The following C10orf88 variants were observed in gnomAD, a reference collection of about 807,000 sequenced individuals.
C10orf88 encodes the protein chromosome 10 open reading frame 88, also known as ATPase PAAT.
In C10orf88, 29 loss-of-function variants were observed where a neutral mutation model predicts 34.2. The ratio of observed to expected loss-of-function variants is 0.85; its 90% CI spans 0.63 to 1.16. The LOEUF (loss-of-function observed/expected upper bound fraction) is 1.16, where lower values mean the gene tolerates loss of function less well. C10orf88 is among the 50% of genes most tolerant of loss of function. The pLI is 0.00. For synonymous variants in C10orf88, 194 were observed against 197.4 expected, an observed-to-expected ratio of 0.98 and a Z score of 0.15; for missense variants, 507 against 533.2, an observed-to-expected ratio of 0.95 and a Z score of 0.48.
chr10:122,951,100 C>T (rs544519437), intron 3 of C10orf88, among the ~76,000 whole-genome samples: 20 of 152,266 alleles, frequency 1.3e-4, no homozygotes, highest in Admixed American at 1.3e-4. Flanking sequence ...TTAAGACTTC[C>T]AATCCATTAC....
intron 5 of C10orf88, among the ~76,000 whole-genome samples, chr10:122,933,038 T>C (rs1848499031): frequency 6.6e-6 from 1 of 152,218 alleles, no homozygotes; most frequent in Non-Finnish European, 1.5e-5. Context: ...AAAGTTTTTC[T>C]TCCTTCATAC....
intron 5 of C10orf88, among the ~76,000 whole-genome samples, chr10:122,936,929 G>GA (rs1365310188): frequency 6.6e-6 from 1 of 151,814 alleles, no homozygotes; most frequent in African/African-American, 2.4e-5. Flanking sequence ...ATAGATGCTT[G>GA]AAAAAAGTGT....
At chr10:122,942,468 T>G (rs967754388) in intron 4 of C10orf88, among the ~76,000 whole-genome samples, 4 of 152,154 alleles carry the variant, frequency 2.6e-5, no homozygotes, top group Non-Finnish European at 4.4e-5. Flanking sequence ...TGGCACAAGA[T>G]AGGGATGCCC....
At chr10:122,943,144 C>G (rs1268878217) in intron 4 of C10orf88, among the ~76,000 whole-genome samples, 2 of 149,422 alleles carry the variant, frequency 1.3e-5, no homozygotes, top group African/African-American at 5.0e-5. Flanking sequence ...CTACAGTAAC[C>G]AAAACAGCAT....
rs563480015 is a variant in C10orf88 at position 122,932,308 on chromosome 10, G to T, written c.*119C>A. ...TAAAAACGAAAACTGAGGTCACTTT[G>T]TGTAAGACAATGATCCCTCAAAGGA... On this transcript the variant is annotated 3_prime_UTR_variant, in exon 6 of 6. Coordinates refer to ENST00000481909, the MANE Select transcript of C10orf88 (RefSeq NM_024942.4). 2.3e-5 allele frequency: 19 copies of T among 833,400 alleles called. No individual in the cohort carries two copies. In the South Asian group the frequency reaches 3.7e-4, roughly 16 times the overall value. The allele number at this position is 833,400 out of a possible 1,614,324, so 51.6% of individuals were successfully genotyped here.
intron 4 of C10orf88, among the ~76,000 whole-genome samples, chr10:122,947,568 C>T (rs949359678): frequency 6.6e-6 from 1 of 152,154 alleles, no homozygotes; most frequent in Non-Finnish European, 1.5e-5. Flanking sequence ...CCCTTCACCA[C>T]CCTCCGTCAG....
At chr10:122,935,053 T>G (rs914495868) in intron 5 of C10orf88, among the ~76,000 whole-genome samples, 1 of 152,110 alleles carries the variant, frequency 6.6e-6, no homozygotes, top group Non-Finnish European at 1.5e-5. Flanking sequence ...GAGTTCTTTA[T>G]GTACTTCAGA....
rs1848552294 is a variant in C10orf88 at position 122,938,150 on chromosome 10, G to C, written c.658C>G (p.Pro220Ala). ...ACCGACTGAAGCTGCTCTCCAATGG[G>C]AATACAATTCTAAACAAGGTAAACA... ...MVRCQQRNCI[P>A]IGEQLQSVLG... The change falls in exon 5 of 6, where the codon CCC becomes GCC. Residue 220 changes from proline (P) to alanine (A), a missense_variant. Coordinates refer to ENST00000481909, the MANE Select transcript of C10orf88 (RefSeq NM_024942.4). 1.3e-6 allele frequency: 2 copies of C among 1,591,640 alleles called. No homozygotes were observed. The highest frequency in any genetic ancestry group is 1.3e-5 in the African/African-American group (1 of 74,152).
At position 122,931,534 on chromosome 10, in the gene C10orf88, A is replaced by C. The variant is rs540920044; in HGVS notation, c.*893T>G. On this transcript the variant is annotated 3_prime_UTR_variant, in exon 6 of 6. Coordinates refer to ENST00000481909, the MANE Select transcript of C10orf88 (RefSeq NM_024942.4). ...TCCCAGAGCAGGTGCATTTATTTTTATATGCAAATATATCACCCTTCAATG... is the reference window on the plus strand; with the variant it reads ...TCCCAGAGCAGGTGCATTTATTTTTCTATGCAAATATATCACCCTTCAATG... 1.3e-5 allele frequency: 2 copies of C among 152,346 alleles called. No homozygotes were observed. Among genetic ancestry groups the C allele is most frequent in the East Asian group, 3.9e-4 (2 of 5,194 alleles). The allele number at this position is 152,346 out of a possible 1,614,324, so 9.4% of individuals were successfully genotyped here. A position where few individuals can be genotyped will look rare whatever the true frequency, so the allele number is the denominator to read the frequency against.
At chr10:122,933,078 C>CT (rs572588218) in intron 5 of C10orf88, among the ~76,000 whole-genome samples, 143 of 152,092 alleles carry the variant, frequency 9.4e-4, no homozygotes, top group African/African-American at 3.4e-3. Flanking sequence ...CTAGAAGGTT[C>CT]TTTTTTTTAA....
chr10:122,938,555 G>C (rs117170071), intron 4 of C10orf88, among the ~76,000 whole-genome samples: 1 of 151,868 alleles, frequency 6.6e-6, no homozygotes, highest in Non-Finnish European at 1.5e-5. Flanking sequence ...CACAAGAACC[G>C]GTAAGTTTCT....
chr10:122,953,215 C>T (rs1157821440), intron 1 of C10orf88, among the ~76,000 whole-genome samples, 183 bp from the exon 2 acceptor site: 1 of 152,144 alleles, frequency 6.6e-6, no homozygotes, highest in African/African-American at 2.4e-5. Flanking sequence ...GCAGCTGGGA[C>T]TACAGGCACC....
At chr10:122,950,080 G>A (rs1848677078) in intron 3 of C10orf88, among the ~76,000 whole-genome samples, 2 of 152,182 alleles carry the variant, frequency 1.3e-5, no homozygotes, top group South Asian at 4.1e-4. Flanking sequence ...AGACAACAGA[G>A]TAGCAAAATG....
intron 1 of C10orf88, among the ~76,000 whole-genome samples, chr10:122,953,811 C>T (rs1281864838): frequency 6.6e-6 from 1 of 152,112 alleles, no homozygotes; most frequent in Non-Finnish European, 1.5e-5. Flanking sequence ...CCTCTCACGC[C>T]CAGGAGCCTC....
Position 122,937,695 on chromosome 10 carries a change from T to C in C10orf88, c.1103+10A>G, listed in dbSNP as rs978623547. The C allele has an allele frequency of 1.8e-5, 28 of 1,578,752 alleles. No homozygotes were observed. Among genetic ancestry groups the C allele is most frequent in the Non-Finnish European group, 2.4e-5 (28 of 1,161,922 alleles). ...AAATCGAAACTCGTATGTCTTAAAA[T>C]AATACTTACCCAACACCAAGAATGC... On this transcript the variant is annotated intron_variant, in intron 5 of 5. Transcript: ENST00000481909.
intron 4 of C10orf88, among the ~76,000 whole-genome samples, chr10:122,939,995 C>T (rs1046645928): frequency 1.3e-5 from 2 of 151,796 alleles, no homozygotes; most frequent in African/African-American, 2.4e-5. Context: ...TATGGAGGCT[C>T]CTCAAAAAAT....
Position 122,954,152 on chromosome 10 carries a change from GC to G in C10orf88, c.26del (p.Gly9AlafsTer19). METRTEDG[G>X]LTRRPTLASS... Reference sequence around the variant, plus strand: ...AGGCCAGCGTGGGGCGGCGGGTGAGGCCCCCGTCCTCGGTCCGCGTCTCCAT... The same window carrying G: ...AGGCCAGCGTGGGGCGGCGGGTGAGGCCCCGTCCTCGGTCCGCGTCTCCAT... On this transcript the variant is annotated frameshift_variant, in exon 1 of 6. Coordinates refer to ENST00000481909, the MANE Select transcript of C10orf88 (RefSeq NM_024942.4). LOFTEE classifies it high-confidence loss of function. 2 of 1,580,078 alleles carry G rather than the reference GC, an allele frequency of 1.3e-6. No individual in the cohort carries two copies.
chr10:122,945,721 A>C (rs1322779751), intron 4 of C10orf88, among the ~76,000 whole-genome samples: 1 of 152,230 alleles, frequency 6.6e-6, no homozygotes, highest in African/African-American at 2.4e-5. Context: ...TTGTACAGCT[A>C]TACAATGAGT....
chr10:122,954,004 G>A lies in C10orf88; in HGVS notation c.164+11C>T, dbSNP rs1157515992. On this transcript the variant is annotated intron_variant, in intron 1 of 5. Coordinates refer to ENST00000481909, the MANE Select transcript of C10orf88 (RefSeq NM_024942.4). Reference sequence around the variant, plus strand: ...GAGCATAGCGACCCCGTCCCCGTCGGCCCGGCGCACCCTGGAGCAGGCGGT... The same window carrying A: ...GAGCATAGCGACCCCGTCCCCGTCGACCCGGCGCACCCTGGAGCAGGCGGT... The A allele has an allele frequency of 6.6e-7, 1 of 1,512,400 alleles. No homozygotes were observed. Among genetic ancestry groups the A allele is most frequent in the Non-Finnish European group, 8.8e-7 (1 of 1,134,950 alleles). The allele number at this position is 1,512,400 out of a possible 1,614,324, so 93.7% of individuals were successfully genotyped here.
Sources: gnomAD v4.1 joint callset for allele counts (sites outside exome capture counted in the v4.1 genomes callset) on GRCh38, gnomAD v4.1.1 for gene constraint, MANE v1.5 for transcripts, NCBI Gene and HGNC (gene_info 2026-07-23, HGNC 2026-07-21) for gene names.